Variants in REDIC1 observed in about 807,000 individuals in gnomAD.
REDIC1 encodes the protein regulator of DNA class I crossover intermediates 1, also known as HEI10 Interacting Protein 1.
At chr12:39,829,474 T>TCAG in the REDIC1 span, 1 of 106,458 alleles carries the variant, frequency 9.4e-6, no homozygotes, top group East Asian at 3.1e-4. Flanking sequence ...TGGTTTGATC[T>TCAG]CAGCTCACTG....
chr12:39,896,438 A>ATATATG, the REDIC1 span, among the ~76,000 whole-genome samples: 2 of 143,958 alleles, frequency 1.4e-5, no homozygotes, highest in Non-Finnish European at 3.0e-5. Flanking sequence ...ATATGTATAC[A>ATATATG]TATATGTATA....
chr12:39,730,904 T>C, the REDIC1 span, among the ~76,000 whole-genome samples: 1 of 152,214 alleles, frequency 6.6e-6, no homozygotes, highest in African/African-American at 2.4e-5. Flanking sequence ...ATTAAGTTGA[T>C]CTTGAATCTC....
the REDIC1 span, among the ~76,000 whole-genome samples, chr12:39,702,864 T>G: frequency 1.3e-5 from 2 of 152,076 alleles, no homozygotes; most frequent in Admixed American, 6.6e-5. Flanking sequence ...TGCAGAAAAG[T>G]CCTTTGACAC....
chr12:39,695,008 CACCTATA>C, the REDIC1 span, among the ~76,000 whole-genome samples: 1 of 152,030 alleles, frequency 6.6e-6, no homozygotes, highest in African/African-American at 2.4e-5. Context: ...GTGAGAAGGA[CACCTATA>C]TCCTTGAAGG....
chr12:39,883,424 A>G, the REDIC1 span, among the ~76,000 whole-genome samples: 6 of 152,206 alleles, frequency 3.9e-5, no homozygotes, highest in Non-Finnish European at 5.9e-5. Context: ...GATCCAAACA[A>G]TGATACAAAC....
the REDIC1 span, among the ~76,000 whole-genome samples, chr12:39,875,192 C>G: frequency 6.6e-6 from 1 of 152,210 alleles, no homozygotes; most frequent in Non-Finnish European, 1.5e-5. Flanking sequence ...GGTCAAAAAT[C>G]ACAGGTGTCA....
At chr12:39,699,185 G>T in the REDIC1 span, among the ~76,000 whole-genome samples, 8 of 152,166 alleles carry the variant, frequency 5.3e-5, no homozygotes, top group Non-Finnish European at 1.0e-4. Flanking sequence ...TCCATCTGAG[G>T]TATTGGGTTC....
chr12:39,817,184 C>T, the REDIC1 span, among the ~76,000 whole-genome samples: 1 of 152,222 alleles, frequency 6.6e-6, no homozygotes, highest in African/African-American at 2.4e-5. Context: ...TTGAACATCT[C>T]TCACAGGAGT....
chr12:39,764,958 CTT>C, the REDIC1 span: 1 of 1,307,660 alleles, frequency 7.6e-7, no homozygotes, highest in Non-Finnish European at 1.0e-6. Context: ...TCCTTAATGT[CTT>C]AAGAGTCCAA....
the REDIC1 span, chr12:39,764,956 G>A: frequency 2.7e-5 from 36 of 1,311,622 alleles, no homozygotes; most frequent in African/African-American, 8.9e-5. Context: ...ATTCCTTAAT[G>A]TCTTAAGAGT....
chr12:39,864,336 T>G, the REDIC1 span, among the ~76,000 whole-genome samples: 4 of 152,236 alleles, frequency 2.6e-5, no homozygotes, highest in Non-Finnish European at 5.9e-5. Flanking sequence ...AGGATAGCCA[T>G]GCAAATCAGT....
chr12:39,889,863 T>C, the REDIC1 span, among the ~76,000 whole-genome samples: 24 of 152,308 alleles, frequency 1.6e-4, no homozygotes, highest in African/African-American at 5.5e-4. Flanking sequence ...ATCTCATTTG[T>C]TGTTTTTATT....
At chr12:39,705,519 T>G in the REDIC1 span, among the ~76,000 whole-genome samples, 2 of 152,188 alleles carry the variant, frequency 1.3e-5, no homozygotes, top group South Asian at 2.1e-4. Context: ...AAAAGAAAAC[T>G]ACTGATCAGT....
At chr12:39,683,171 A>G in the REDIC1 span, 4 of 1,533,830 alleles carry the variant, frequency 2.6e-6, no homozygotes, top group South Asian at 2.6e-5. Context: ...ATGTAATTAC[A>G]TATTCTTTTT....
At chr12:39,847,224 A>C in the REDIC1 span, among the ~76,000 whole-genome samples, 119 of 152,284 alleles carry the variant, frequency 7.8e-4, no homozygotes, top group African/African-American at 2.7e-3. Context: ...TAAATGTCTC[A>C]TAAAATTAAC....
At chr12:39,884,538 G>T in the REDIC1 span, among the ~76,000 whole-genome samples, 1 of 152,126 alleles carries the variant, frequency 6.6e-6, no homozygotes. Flanking sequence ...GTCTCAATAA[G>T]ATGCAATTAA....
At chr12:39,846,302 C>T in the REDIC1 span, among the ~76,000 whole-genome samples, 4 of 152,102 alleles carry the variant, frequency 2.6e-5, no homozygotes, top group African/African-American at 7.2e-5. Flanking sequence ...ATTACACCCT[C>T]CCTTGGACAA....
At chr12:39,673,123 G>A in the REDIC1 span, among the ~76,000 whole-genome samples, 4 of 152,180 alleles carry the variant, frequency 2.6e-5, no homozygotes, top group Middle Eastern at 0.01. Context: ...AGGGAGGCTA[G>A]GCCATCTGCC....
the REDIC1 span, among the ~76,000 whole-genome samples, chr12:39,677,021 C>T: frequency 2.3e-5 from 2 of 87,154 alleles, no homozygotes; most frequent in South Asian, 3.7e-4. Flanking sequence ...AAAACAATAA[C>T]ACAATGAAAA....
Sources: allele counts gnomAD v4.1 joint callset (sites outside exome capture counted in the v4.1 genomes callset), GRCh38; gene constraint gnomAD v4.1.1; transcripts MANE v1.5; gene names NCBI Gene and HGNC (gene_info 2026-07-23, HGNC 2026-07-21).